The following CPLANE1 variants were observed in gnomAD, a reference collection of about 807,000 sequenced individuals.
CPLANE1 encodes ciliogenesis and planar polarity effector complex subunit 1.
Under a neutral mutation model 362.5 loss-of-function variants are expected in CPLANE1, and 263 were observed. The ratio of observed to expected loss-of-function variants is 0.73; its 90% CI spans 0.66 to 0.80. CPLANE1 has a LOEUF of 0.80. CPLANE1 is among the 30% of genes least tolerant of loss of function. The pLI is 0.00. For missense variants in CPLANE1, 3,461 were observed against 3,793.4 expected (o/e 0.91, Z 2.30); for synonymous variants, 1,212 against 1,302.6 (o/e 0.93, Z 1.50).
intron 8 of CPLANE1, among the ~76,000 whole-genome samples, chr5:37,233,710 C>T (rs942536748): frequency 2.0e-5 from 3 of 151,998 alleles, no homozygotes; most frequent in African/African-American, 7.3e-5. Flanking sequence ...TGAGAAACCA[C>T]TCACACACCT....
chr5:37,208,325 C>G (rs1791422158), intron 16 of CPLANE1, among the ~76,000 whole-genome samples: 1 of 152,228 alleles, frequency 6.6e-6, no homozygotes, highest in Non-Finnish European at 1.5e-5. Flanking sequence ...GGCTTTTACA[C>G]AAACTCAGGT....
At chr5:37,205,934 C>A (rs1790598718) in intron 17 of CPLANE1, among the ~76,000 whole-genome samples, 1 of 152,138 alleles carries the variant, frequency 6.6e-6, no homozygotes, top group Admixed American at 6.5e-5. Flanking sequence ...ATACAGTAAC[C>A]ACTAACTATA....
rs1478855913 is a variant in CPLANE1, at chr5:37,157,401, C to T, written c.8031G>A (p.Leu2677=). The T allele has an allele frequency of 2.1e-6, 3 of 1,446,966 alleles. No homozygotes were observed. Among genetic ancestry groups the T allele is most frequent in the African/African-American group, 1.4e-5 (1 of 71,504 alleles). The allele number at this position is 1,446,966 out of a possible 1,614,324, so 89.6% of individuals were successfully genotyped here. A position where few individuals can be genotyped will look rare whatever the true frequency, so the allele number is the denominator to read the frequency against. ...FKSQEVTPAC[L]DGKSLRAGIT... ...TGCCTGCTCTCAAGCTTTTTCCATC[C>T]AGACAAGCTGGAGTTACTTCTGCAG... The change falls in exon 41 of 53, where the codon CTG becomes CTA. Residue 2677 remains leucine, a synonymous_variant. Transcript: ENST00000651892.
chr5:37,121,586 T>C (rs747363351), intron 49 of CPLANE1, 31 bp downstream of exon 49: 4 of 1,606,934 alleles, frequency 2.5e-6, no homozygotes, highest in Non-Finnish European at 1.7e-6. Context: ...TGACGTTATC[T>C]TGCCAAATGG....
At position 37,195,909 on chromosome 5, in the gene CPLANE1, G is replaced by A; in HGVS notation, c.3760C>T (p.Pro1254Ser). 6.2e-7 allele frequency: 1 copy of A among 1,613,254 alleles called. No homozygotes were observed. Among genetic ancestry groups the A allele is most frequent in the Non-Finnish European group, 8.5e-7 (1 of 1,179,706 alleles). ...YCKGGIAFFRPGAAGDHKLDE... is the reference protein window; with the variant it reads ...YCKGGIAFFRSGAAGDHKLDE... ...AGCTTGTGGTCTCCAGCTGCTCCAGGTCTAAAAAATGCGATACCTCCTTTA... is the reference window on the plus strand; with the variant it reads ...AGCTTGTGGTCTCCAGCTGCTCCAGATCTAAAAAATGCGATACCTCCTTTA... The change falls in exon 21 of 53, where the codon CCT (proline) becomes TCT (serine). Residue 1254 changes from proline (P) to serine (S), a missense_variant. By Grantham distance (74) the Pro-to-Ser change is moderately conservative. Around this residue, in one of 2 missense-constraint regions of CPLANE1, gnomAD observed 3,380 missense variants for 3,666.1 expected, o/e 0.92. Coordinates refer to ENST00000651892, the MANE Select transcript of CPLANE1 (RefSeq NM_001384732.1).
At chr5:37,245,249 TTTC>T (rs2150814263) in intron 4 of CPLANE1, among the ~76,000 whole-genome samples, 1 of 145,004 alleles carries the variant, frequency 6.9e-6, no homozygotes, top group Admixed American at 7.0e-5. Context: ...ATGCCAGAAT[TTTC>T]TTCTTCAAGT....
intron 42 of CPLANE1, among the ~76,000 whole-genome samples, chr5:37,150,494 T>C (rs1028117809): frequency 6.6e-6 from 1 of 151,950 alleles, no homozygotes; most frequent in Admixed American, 6.6e-5. Context: ...ATAGAAATCA[T>C]TGTGCCTCCC....
intron 50 of CPLANE1, among the ~76,000 whole-genome samples, chr5:37,117,200 A>AT (rs922240737): frequency 6.6e-6 from 1 of 151,596 alleles, no homozygotes; most frequent in Non-Finnish European, 1.5e-5. Flanking sequence ...CTCAATAACC[A>AT]TTTTTTCCAT....
intron 15 of CPLANE1, among the ~76,000 whole-genome samples, chr5:37,219,470 G>A (rs1794888093): frequency 6.6e-6 from 1 of 151,940 alleles, no homozygotes; most frequent in South Asian, 2.1e-4. Flanking sequence ...AAAGGTTGCA[G>A]TAAGCCAAGA....
rs1799925221 is a variant in CPLANE1, at chr5:37,239,804, C to T, written c.743G>A (p.Cys248Tyr). The T allele has an allele frequency of 7.8e-6, 12 of 1,545,988 alleles. No individual in the cohort carries two copies. Among genetic ancestry groups the T allele is most frequent in the Non-Finnish European group, 9.6e-6 (11 of 1,143,648 alleles). The change falls in exon 7 of 53, where the codon TGT (cysteine) becomes TAT (tyrosine). Residue 248 changes from cysteine (C) to tyrosine (Y), a missense_variant. By Grantham distance (194) the Cys-to-Tyr change is radical. Around this residue, in one of 2 missense-constraint regions of CPLANE1, gnomAD observed 3,380 missense variants for 3,666.1 expected, o/e 0.92. Transcript: ENST00000651892. ...AGCTCCTCTTGACTTTACTGATTCA[C>T]ATTTAGGAATTAAACTACAGAGATG... is the stretch of plus-strand genomic sequence containing the variant. ...DCHLCSLIPK[C>Y]ESVKSRGALI...
intron 16 of CPLANE1, among the ~76,000 whole-genome samples, chr5:37,208,728 A>T (rs1009897291): frequency 1.4e-5 from 2 of 145,960 alleles, no homozygotes; most frequent in Non-Finnish European, 3.0e-5. Flanking sequence ...ACCTCCTCAG[A>T]GAGCTACTCC....
In CPLANE1 at chr5:37,169,446, C is replaced by T; in HGVS notation, c.6578G>A (p.Gly2193Glu). The stretch of plus-strand genomic sequence containing the variant: ...GGACAAAAGGTAGAGGTGAGTATTT[C>T]CAGCAGGAGCTGGATAAAACGAAGT... ...PSTSFYPAPAGNTHLYLLSTP... is the reference protein window; with the variant it reads ...PSTSFYPAPAENTHLYLLSTP... Residue 2193 changes from glycine to glutamate, a missense_variant, in exon 34 of 53, where the codon GGA becomes GAA. Physicochemically the swap from Gly to Glu is moderately conservative, Grantham distance 98 (BLOSUM62 -2). Transcript: ENST00000651892. The T allele has an allele frequency of 1.2e-6, 2 of 1,614,100 alleles. No homozygotes were observed. Among genetic ancestry groups the T allele is most frequent in the Non-Finnish European group, 1.7e-6 (2 of 1,180,016 alleles).
chr5:37,131,024 T>C (rs1311011555), intron 46 of CPLANE1, among the ~76,000 whole-genome samples: 7 of 152,220 alleles, frequency 4.6e-5, no homozygotes, highest in Non-Finnish European at 8.8e-5. Context: ...TAGAAGAACA[T>C]ACAGAAATAG....
At chr5:37,184,487 A>G (rs1381271397) in intron 25 of CPLANE1, among the ~76,000 whole-genome samples, 2 of 152,154 alleles carry the variant, frequency 1.3e-5, no homozygotes, top group Non-Finnish European at 2.9e-5. Context: ...AAGTCTAAAG[A>G]TTACTAAAAA....
chr5:37,178,625 AC>A, intron 29 of CPLANE1, among the ~76,000 whole-genome samples: 1 of 152,168 alleles, frequency 6.6e-6, no homozygotes, highest in East Asian at 1.9e-4. Context: ...AAAAAAAAAA[AC>A]AAAAACACAG....
intron 46 of CPLANE1, among the ~76,000 whole-genome samples, chr5:37,132,309 G>A (rs367781690): frequency 1.5e-5 from 2 of 137,034 alleles, no homozygotes; most frequent in South Asian, 4.7e-4. Context: ...TTTTAATCTA[G>A]TTGTTCTTTG....
intron 38 of CPLANE1, among the ~76,000 whole-genome samples, chr5:37,159,332 C>T (rs1258493822): frequency 2.0e-5 from 3 of 151,066 alleles, no homozygotes; most frequent in Non-Finnish European, 4.4e-5. Context: ...AGGATGGTCT[C>T]GATCTCCTGA....
At chr5:37,228,384 A>G (rs1215760535) in intron 9 of CPLANE1, among the ~76,000 whole-genome samples, 2 of 152,204 alleles carry the variant, frequency 1.3e-5, no homozygotes, top group Non-Finnish European at 2.9e-5. Context: ...ATATAAAAGG[A>G]ACAAACCATC....
intron 8 of CPLANE1, among the ~76,000 whole-genome samples, chr5:37,236,532 C>T (rs77659026): frequency 0.12 from 17,728 of 152,044 alleles, 1,099 homozygotes; most frequent in Admixed American, 0.16. Context: ...GAATTTATGA[C>T]CACATCCTCA....
Sources: gnomAD v4.1 joint callset for allele counts (sites outside exome capture counted in the v4.1 genomes callset) on GRCh38, gnomAD v4.1.1 for gene constraint, gnomAD v4.1.1 regional missense constraint, MANE v1.5 for transcripts, NCBI Gene and HGNC (gene_info 2026-07-23, HGNC 2026-07-21) for gene names.